ARFGEF3: variants seen among roughly 807,000 people sequenced by gnomAD.
ARFGEF3 encodes the protein brefeldin A-inhibited guanine nucleotide-exchange protein 3.
A neutral mutation model predicts 221.7 loss-of-function variants in ARFGEF3; 96 were observed. The ratio of observed to expected loss-of-function variants is 0.43; its 90% CI spans 0.37 to 0.51. The LOEUF (loss-of-function observed/expected upper bound fraction) is 0.51, where lower values mean the gene tolerates loss of function less well. Ranked by LOEUF, ARFGEF3 falls within the 20% of genes least tolerant of loss-of-function variation. The pLI is 0.00. For missense variants in ARFGEF3, 2,410 were observed against 2,789.9 expected, an observed-to-expected ratio of 0.86 and a Z score of 3.07; for synonymous variants, 1,145 against 1,126.8, an observed-to-expected ratio of 1.02 and a Z score of -0.32.
Position 138,280,123 on chromosome 6 carries a change from G to C in ARFGEF3, c.2420G>C (p.Ser807Thr). The change falls in exon 14 of 34, where the codon AGC (serine) becomes ACC (threonine). Residue 807 changes from serine (S) to threonine (T), a missense_variant. Around this residue, in one of 5 missense-constraint regions of ARFGEF3, gnomAD observed 594 missense variants for 734.3 expected, o/e 0.81. Transcript: ENST00000251691. ...NMLGEAGYWG[S>T]PEDNSLPLIT... ...CTTGGAGAGGCTGGCTATTGGGGCA[G>C]CCCAGAAGATAACAGCCTTCCCCTC... 2 of 1,613,884 alleles carry C rather than the reference G, an allele frequency of 1.2e-6. No homozygotes were observed. The highest frequency in any genetic ancestry group is 1.7e-6 in the Non-Finnish European group (2 of 1,179,774).
intron 12 of ARFGEF3, among the ~76,000 whole-genome samples, chr6:138,270,439 C>CACACACACAA: frequency 7.5e-6 from 1 of 133,456 alleles, no homozygotes; most frequent in Non-Finnish European, 1.5e-5. Flanking sequence ...CACACACACA[C>CACACACACAA]ACACACACAC....
chr6:138,250,621 A>G (rs1778562349), intron 8 of ARFGEF3, among the ~76,000 whole-genome samples: 1 of 152,268 alleles, frequency 6.6e-6, no homozygotes, highest in African/African-American at 2.4e-5. Flanking sequence ...TAAGAGCTCC[A>G]GAGATACAAA....
chr6:138,285,143 T>G (rs1779262918), intron 14 of ARFGEF3, among the ~76,000 whole-genome samples: 1 of 152,190 alleles, frequency 6.6e-6, no homozygotes, highest in Non-Finnish European at 1.5e-5. Flanking sequence ...AGTGAAAAAA[T>G]GTTTTGTGAA....
rs865830241 is a variant in ARFGEF3 at position 138,336,726 on chromosome 6, A to G, written c.*240A>G. On this transcript the variant is annotated 3_prime_UTR_variant, in exon 34 of 34. Transcript: ENST00000251691. ...TTTGCACATTATTATAGAAGAATCT[A>G]TAATCCTTGATATGTTTCTAACTCT... The G allele has an allele frequency of 2.4e-5, 8 of 328,800 alleles. No homozygotes were observed. The highest frequency in any genetic ancestry group is 1.7e-4 in the African/African-American group (8 of 46,888). The allele number at this position is 328,800 out of a possible 1,614,324, so 20.4% of individuals were successfully genotyped here. A position where few individuals can be genotyped will look rare whatever the true frequency, so the allele number is the denominator to read the frequency against.
In ARFGEF3 at chr6:138,278,589, A is replaced by G. The variant is rs765883700; in HGVS notation, c.2267A>G (p.Lys756Arg). Reference sequence around the variant, plus strand: ...CTCTCCCACGGTGACTACTACAGGAAGCGGCCGACCCTGGCGCCAGGCGTG... The same window carrying G: ...CTCTCCCACGGTGACTACTACAGGAGGCGGCCGACCCTGGCGCCAGGCGTG... ...LKLSHGDYYR[K>R]RPTLAPGVMK... is the part of the protein sequence containing the mutation. Residue 756 changes from lysine to arginine, a missense_variant, in exon 13 of 34, where the codon AAG becomes AGG. Coordinates refer to ENST00000251691, the MANE Select transcript of ARFGEF3 (RefSeq NM_020340.5). 3.1e-6 allele frequency: 5 copies of G among 1,613,780 alleles called. No homozygotes were observed. Among genetic ancestry groups the G allele is most frequent in the African/African-American group, 2.7e-5 (2 of 74,920 alleles).
intron 2 of ARFGEF3, among the ~76,000 whole-genome samples, chr6:138,187,390 A>T (rs993197210): frequency 1.3e-5 from 2 of 152,174 alleles, no homozygotes; most frequent in Non-Finnish European, 1.5e-5. Context: ...ATTGTCCTTC[A>T]TGATACTGTG....
chr6:138,187,871 G>T (rs1777217679), intron 2 of ARFGEF3, among the ~76,000 whole-genome samples: 1 of 152,114 alleles, frequency 6.6e-6, no homozygotes, highest in African/African-American at 2.4e-5. Context: ...ATGTGTAGGT[G>T]GGGGAGTCAA....
Position 138,255,540 on chromosome 6 carries a change from A to C in ARFGEF3, c.875A>C (p.Asp292Ala), listed in dbSNP as rs200371941. The change falls in exon 10 of 34, where the codon GAC (aspartate) becomes GCC (alanine). Residue 292 changes from aspartate to alanine, a missense_variant. Transcript: ENST00000251691. ...TSSTSTSLES[D>A]SASPGVSDHG... Reference sequence around the variant, plus strand: ...AGCACCAGTACCAGCCTGGAGTCGGACTCTGCGTCTCCGGGAGTGTCTGAC... The same window carrying C: ...AGCACCAGTACCAGCCTGGAGTCGGCCTCTGCGTCTCCGGGAGTGTCTGAC... The C allele has an allele frequency of 6.2e-7, 1 of 1,613,762 alleles. No individual in the cohort carries two copies.
rs1779772432 is a variant in ARFGEF3, at chr6:138,308,767, A to G, written c.4002A>G (p.Val1334=). The change falls in exon 24 of 34, where the codon GTA becomes GTG. Residue 1334 remains valine (V), a synonymous_variant. Transcript: ENST00000251691. The part of the protein sequence containing the change: ...MGKGQAPVFD[V]FEAFLNTDNI... ...AAGGCCAAGCTCCAGTGTTTGATGTATTTGAAGCTTTTCTCAATACTGACA... is the reference window on the plus strand; with the variant it reads ...AAGGCCAAGCTCCAGTGTTTGATGTGTTTGAAGCTTTTCTCAATACTGACA... The G allele has an allele frequency of 1.9e-6, 3 of 1,613,800 alleles. No individual in the cohort carries two copies. The highest frequency in any genetic ancestry group is 1.1e-5 in the South Asian group (1 of 91,078).
At chr6:138,311,003 C>T (rs1779816981) in intron 24 of ARFGEF3, among the ~76,000 whole-genome samples, 1 of 152,166 alleles carries the variant, frequency 6.6e-6, no homozygotes, top group Non-Finnish European at 1.5e-5. Context: ...TGGGATTGTC[C>T]TTTGTCATCA....
In ARFGEF3 at chr6:138,238,529, A is replaced by G; in HGVS notation, c.441A>G (p.Ile147Met). Reference protein sequence around the residue: ...KIAEVCIETYISSCHQRSINT... With the variant: ...KIAEVCIETYMSSCHQRSINT... ...AACAGGTGTGCATTGAGACGTACAT[A>G]AGCAGCTGTCACCAGCGTAGCATAA... Residue 147 changes from isoleucine to methionine, a missense_variant, in exon 6 of 34, where the codon ATA becomes ATG. Around this residue, in one of 5 missense-constraint regions of ARFGEF3, gnomAD observed 570 missense variants for 586.9 expected, o/e 0.97. Coordinates refer to ENST00000251691, the MANE Select transcript of ARFGEF3 (RefSeq NM_020340.5). 1 of 1,613,814 alleles carries G rather than the reference A, an allele frequency of 6.2e-7. No individual in the cohort carries two copies. Among genetic ancestry groups the G allele is most frequent in the Non-Finnish European group, 8.5e-7 (1 of 1,179,740 alleles).
intron 20 of ARFGEF3, among the ~76,000 whole-genome samples, chr6:138,295,507 G>A (rs59172040): frequency 0.081 from 12,262 of 151,258 alleles, 808 homozygotes; most frequent in South Asian, 0.25. Context: ...GCATGTGCCT[G>A]TAGCCCCAGC....
In ARFGEF3 at chr6:138,255,424, A is replaced by G; in HGVS notation, c.771-12A>G. The G allele has an allele frequency of 6.4e-7, 1 of 1,561,654 alleles. No homozygotes were observed. The highest frequency in any genetic ancestry group is 1.2e-5 in the South Asian group (1 of 85,576). On this transcript the variant is annotated splice_polypyrimidine_tract_variant and intron_variant, in intron 9 of 33. Transcript: ENST00000251691. ...CGTGGGGAAAGTTACTTTTCTCACC[A>G]TCTCTTCCCAGGAAAAACCTCTGCC...
At chr6:138,330,292 G>A (rs574226721) in intron 32 of ARFGEF3, among the ~76,000 whole-genome samples, 2 of 152,234 alleles carry the variant, frequency 1.3e-5, no homozygotes, top group African/African-American at 4.8e-5. Flanking sequence ...TTAAGAGACA[G>A]CTCCCTTGCC....
intron 5 of ARFGEF3, among the ~76,000 whole-genome samples, chr6:138,237,489 T>C (rs1778308496): frequency 6.6e-6 from 1 of 152,042 alleles, no homozygotes; most frequent in Non-Finnish European, 1.5e-5. Context: ...TCATGACTTT[T>C]AGCAGCATAT....
At chr6:138,246,967 C>G (rs1161274795) in intron 8 of ARFGEF3, among the ~76,000 whole-genome samples, 1 of 152,122 alleles carries the variant, frequency 6.6e-6, no homozygotes, top group Admixed American at 6.6e-5. Context: ...CCTATAACAT[C>G]ATGTTGTAAA....
chr6:138,327,690 C>A (rs1416282203), intron 31 of ARFGEF3, among the ~76,000 whole-genome samples: 1 of 152,026 alleles, frequency 6.6e-6, no homozygotes, highest in East Asian at 1.9e-4. Flanking sequence ...CAGAGATAAT[C>A]TTTTACAAAG....
At chr6:138,242,567 T>C (rs143011714) in intron 6 of ARFGEF3, among the ~76,000 whole-genome samples, 63 of 152,332 alleles carry the variant, frequency 4.1e-4, no homozygotes, top group African/African-American at 1.4e-3. Context: ...AGCCTTGGAA[T>C]AGGTTGTTCT....
At chr6:138,297,724 A>T (rs561348654) in intron 21 of ARFGEF3, among the ~76,000 whole-genome samples, 1 of 152,340 alleles carries the variant, frequency 6.6e-6, no homozygotes, top group Admixed American at 6.5e-5. Context: ...GGCCTCCCCA[A>T]CATCTAGTGG....
Sources: allele counts gnomAD v4.1 joint callset (sites outside exome capture counted in the v4.1 genomes callset), GRCh38; gene constraint gnomAD v4.1.1; regional missense constraint gnomAD v4.1.1; transcripts MANE v1.5; gene names NCBI Gene and HGNC (gene_info 2026-07-23, HGNC 2026-07-21).